SPDYA: variants seen among roughly 807,000 people sequenced by gnomAD.
The protein encoded by SPDYA is speedy/RINGO cell cycle regulator family member A, also known as speedy protein A.
A neutral mutation model predicts 36.7 loss-of-function variants in SPDYA; 11 were observed. The ratio of observed to expected loss-of-function variants is 0.30; its 90% CI spans 0.19 to 0.50. SPDYA has a LOEUF of 0.50. SPDYA is among the 20% of genes least tolerant of loss of function. The pLI is 0.98. For missense variants in SPDYA, 287 were observed against 370.9 expected (o/e 0.77, Z 1.86); for synonymous variants, 115 against 118.7 (o/e 0.97, Z 0.20).
intron 5 of SPDYA, among the ~76,000 whole-genome samples, chr2:28,827,732 A>G (rs1253791731): frequency 1.3e-5 from 2 of 151,856 alleles, no homozygotes; most frequent in African/African-American, 4.8e-5. Flanking sequence ...AATTTTCTTC[A>G]TGTTTCATGT....
intron 6 of SPDYA, among the ~76,000 whole-genome samples, chr2:28,835,058 T>C (rs1490239116): frequency 6.6e-6 from 1 of 151,996 alleles, no homozygotes; most frequent in Non-Finnish European, 1.5e-5. Flanking sequence ...CATTTGTTTG[T>C]TTTGTTTTGT....
At position 28,843,035 on chromosome 2, in the gene SPDYA, C is replaced by T. The variant is rs752636302; in HGVS notation, c.850+2566C>T. The stretch of plus-strand genomic sequence containing the variant: ...TTATGCTCTGCTTTAGACTTCTATG[C>T]GAAACTTAGCATAGATGGTGATCAG... On this transcript the variant is annotated intron_variant, in intron 7 of 7. Transcript: ENST00000334056. 5.3e-5 allele frequency among the ~76,000 whole-genome samples: 8 copies of T among 152,218 alleles called. No individual in the cohort carries two copies. The East Asian group carries it at 7.7e-4, about 15-fold the overall frequency.
Position 28,840,414 on chromosome 2 carries a change from C to T in SPDYA, c.795C>T (p.Asn265=). The T allele has an allele frequency of 6.2e-7, 1 of 1,613,988 alleles. No individual in the cohort carries two copies. Among genetic ancestry groups the T allele is most frequent in the South Asian group, 1.1e-5 (1 of 91,030 alleles). The change falls in exon 7 of 8, where the codon AAC becomes AAT. Residue 265 remains asparagine (N), a synonymous_variant. Transcript: ENST00000334056. ...VTEKHSQDSY[N]SLSMDIIGDP... is the part of the protein sequence containing the mutation. The stretch of plus-strand genomic sequence containing the variant: ...AAAAACATTCTCAGGACTCATACAA[C>T]TCACTGTCAATGGACATAATAGGTG...
At chr2:28,834,990 G>C (rs1321256519) in intron 6 of SPDYA, among the ~76,000 whole-genome samples, 1 of 151,976 alleles carries the variant, frequency 6.6e-6, no homozygotes, top group Non-Finnish European at 1.5e-5. Flanking sequence ...TATTTATCTT[G>C]TTAATAAATT....
intron 4 of SPDYA, 71 bp downstream of exon 4, chr2:28,819,177 C>T: frequency 8.8e-7 from 1 of 1,142,216 alleles, no homozygotes. Context: ...TTTAATGAGA[C>T]CTTATAAGAA....
intron 6 of SPDYA, among the ~76,000 whole-genome samples, chr2:28,836,260 C>T (rs1353864279): frequency 1.3e-5 from 2 of 152,178 alleles, no homozygotes; most frequent in Non-Finnish European, 2.9e-5. Context: ...TCCTAGTGTT[C>T]TCTTTTTTCT....
At chr2:28,825,891 C>T (rs1423710191) in intron 5 of SPDYA, among the ~76,000 whole-genome samples, 3 of 151,798 alleles carry the variant, frequency 2.0e-5, no homozygotes, top group African/African-American at 7.3e-5. Flanking sequence ...GCACATAGCA[C>T]GACACCCGGC....
At chr2:28,828,961 TAAGA>T (rs1430045776) in intron 5 of SPDYA, among the ~76,000 whole-genome samples, 183 bp from the exon 6 acceptor site, 1 of 152,256 alleles carries the variant, frequency 6.6e-6, no homozygotes, top group Non-Finnish European at 1.5e-5. Context: ...TTTGTAGGAA[TAAGA>T]AATACCTAGA....
Position 28,816,068 on chromosome 2 carries a change from A to G in SPDYA, c.54A>G (p.Val18=). 6.2e-7 allele frequency: 1 copy of G among 1,614,032 alleles called. No homozygotes were observed. Among genetic ancestry groups the G allele is most frequent in the Admixed American group, 1.7e-5 (1 of 60,022 alleles). The change falls in exon 3 of 8, where the codon GTA becomes GTG. Residue 18 remains valine, a synonymous_variant. Coordinates refer to ENST00000334056, the MANE Select transcript of SPDYA (RefSeq NM_182756.4). The stretch of plus-strand genomic sequence containing the variant: ...CACCACCTACTGTCACTGTTTATGT[A>G]AAATCAGGGTCAAATAGATCACATC... ...CETPPTVTVY[V]KSGSNRSHQP... is the part of the protein sequence containing the mutation.
At chr2:28,831,905 C>G (rs2148094641) in intron 6 of SPDYA, among the ~76,000 whole-genome samples, 1 of 152,326 alleles carries the variant, frequency 6.6e-6, no homozygotes, top group African/African-American at 2.4e-5. Flanking sequence ...CACTAGATCT[C>G]ATCTTTTCTT....
In SPDYA at chr2:28,822,391, A is replaced by T; in HGVS notation, c.361A>T (p.Ile121Leu). 1 of 1,565,030 alleles carries T rather than the reference A, an allele frequency of 6.4e-7. No individual in the cohort carries two copies. The highest frequency in any genetic ancestry group is 8.7e-7 in the Non-Finnish European group (1 of 1,150,114). ...AKFTISEHTR[I>L]NFFIALYLAN... ...ATTTACTATAAGTGAGCATACCAGG[A>T]TAAATTTCTTTATTGCTCTGTAAGT... The change falls in exon 5 of 8, where the codon ATA becomes TTA. Residue 121 changes from isoleucine (I) to leucine (L), a missense_variant. By Grantham distance (5) the Ile-to-Leu change is conservative (BLOSUM62 2). Coordinates refer to ENST00000334056, the MANE Select transcript of SPDYA (RefSeq NM_182756.4).
Position 28,840,219 on chromosome 2 carries a change from T to G in SPDYA, c.600T>G (p.Ser200=), listed in dbSNP as rs760772989. 1 of 1,614,128 alleles carries G rather than the reference T, an allele frequency of 6.2e-7. No homozygotes were observed. Among genetic ancestry groups the G allele is most frequent in the Non-Finnish European group, 8.5e-7 (1 of 1,180,042 alleles). ...ATTATATCTGGCAAAGAGAACGTTC[T>G]GTTCATCACAGTGGAGCTGTCAGAA... ...PTHYIWQRER[S]VHHSGAVRNY... is the part of the protein sequence containing the mutation. The change falls in exon 7 of 8, where the codon TCT becomes TCG. Residue 200 remains serine (S), a synonymous_variant. Transcript: ENST00000334056.
At chr2:28,815,591 T>A (rs1023759289) in intron 2 of SPDYA, among the ~76,000 whole-genome samples, 2 of 152,008 alleles carry the variant, frequency 1.3e-5, no homozygotes, top group African/African-American at 4.8e-5. Context: ...TTATAAAAAA[T>A]TTGAGGTGGC....
intron 5 of SPDYA, among the ~76,000 whole-genome samples, chr2:28,826,969 T>C (rs914752429): frequency 6.8e-6 from 1 of 147,506 alleles, no homozygotes; most frequent in African/African-American, 2.5e-5. Context: ...TTTTTTTTTT[T>C]AAGAAGGAGT....
chr2:28,850,504 TTTTC>T lies in SPDYA; in HGVS notation c.*567_*570del, dbSNP rs139106510. Reference sequence around the variant, plus strand: ...TGAGTTACTCTCTTTATTGTAAGTTTTTTCTTTATTTATTTCCTTGCATATGTTT... The same window carrying T: ...TGAGTTACTCTCTTTATTGTAAGTTTTTTATTTATTTCCTTGCATATGTTT... On this transcript the variant is annotated 3_prime_UTR_variant, in exon 8 of 8. Coordinates refer to ENST00000334056, the MANE Select transcript of SPDYA (RefSeq NM_182756.4). 6 of 771,700 alleles carry T rather than the reference TTTTC, an allele frequency of 7.8e-6. No individual in the cohort carries two copies. Among genetic ancestry groups the T allele is most frequent in the East Asian group, 2.8e-5 (1 of 36,298 alleles). 47.8% of individuals were successfully genotyped at this position (771,700 alleles called of 1,614,324 possible).
chr2:28,830,101 T>G (rs1330421888), intron 6 of SPDYA, among the ~76,000 whole-genome samples: 1 of 151,798 alleles, frequency 6.6e-6, no homozygotes, highest in Non-Finnish European at 1.5e-5. Flanking sequence ...ATGGTGCCAC[T>G]GTACTCCAGC....
At chr2:28,847,712 C>G (rs1278394759) in intron 7 of SPDYA, among the ~76,000 whole-genome samples, 1 of 148,826 alleles carries the variant, frequency 6.7e-6, no homozygotes, top group African/African-American at 2.5e-5. Context: ...TGTCACTGCA[C>G]TCCAGCCTGG....
chr2:28,850,538 G>A lies in SPDYA; in HGVS notation c.*597G>A. 3.2e-6 allele frequency: 2 copies of A among 617,430 alleles called. No homozygotes were observed. Among genetic ancestry groups the A allele is most frequent in the Non-Finnish European group, 2.8e-6 (1 of 355,538 alleles). 38.2% of individuals were successfully genotyped at this position (617,430 alleles called of 1,614,324 possible). A position where few individuals can be genotyped will look rare whatever the true frequency, so the allele number is the denominator to read the frequency against. ...TTTATTTCCTTGCATATGTTTTAGA[G>A]CTACTCTGCCAGTTATTATACAGAA... On this transcript the variant is annotated 3_prime_UTR_variant, in exon 8 of 8. Transcript: ENST00000334056.
chr2:28,840,942 T>TG lies in SPDYA; in HGVS notation c.850+473_850+474insG, dbSNP rs1428025828. Reference sequence around the variant, plus strand: ...TCCTCCAAAACCAGTTTTTTTTTTTTTTTTTTTTTTGAAACAGAGTCTCAC... The same window carrying TG: ...TCCTCCAAAACCAGTTTTTTTTTTTTGTTTTTTTTTTGAAACAGAGTCTCAC... On this transcript the variant is annotated intron_variant, in intron 7 of 7. Transcript: ENST00000334056. 7.2e-5 allele frequency: 20 copies of TG among 279,084 alleles called. No homozygotes were observed. In the Admixed American group the frequency reaches 1.3e-3, roughly 17 times the overall value. 17.3% of individuals were successfully genotyped at this position (279,084 alleles called of 1,614,324 possible). A position where few individuals can be genotyped will look rare whatever the true frequency, so the allele number is the denominator to read the frequency against.
Sources: allele counts gnomAD v4.1 joint callset (sites outside exome capture counted in the v4.1 genomes callset), GRCh38; gene constraint gnomAD v4.1.1; transcripts MANE v1.5; gene names NCBI Gene and HGNC (gene_info 2026-07-23, HGNC 2026-07-21).